The following ABCC3 variants were observed in gnomAD, a reference collection of about 807,000 sequenced individuals.
The protein encoded by ABCC3 is ATP binding cassette subfamily C member 3.
In ABCC3, 121 loss-of-function variants were observed where a neutral mutation model predicts 165.3. The observed-to-expected ratio is 0.73, with a 90% CI of 0.63 to 0.85. The LOEUF is 0.85. Among genes scored for constraint, ABCC3 ranks in the 40% least tolerant of loss-of-function variants. ABCC3 has a pLI of 0.00. For synonymous variants in ABCC3, 733 were observed against 810.1 expected, an observed-to-expected ratio of 0.90 and a Z score of 1.62; for missense variants, 1,869 against 1,964.1, an observed-to-expected ratio of 0.95 and a Z score of 0.92.
chr17:50,661,346 G>C (rs966051329), intron 8 of ABCC3, among the ~76,000 whole-genome samples: 1 of 152,224 alleles, frequency 6.6e-6, no homozygotes, highest in Non-Finnish European at 1.5e-5. Flanking sequence ...TGGTGTGTAC[G>C]TTAACAAGCA....
At chr17:50,689,243 C>T (rs1289784168) in intron 30 of ABCC3, among the ~76,000 whole-genome samples, 4 of 152,248 alleles carry the variant, frequency 2.6e-5, no homozygotes, top group Admixed American at 2.6e-4. Flanking sequence ...TGGGAAATGA[C>T]AGTGTCCTCC....
In ABCC3 at chr17:50,684,768, A is replaced by C; in HGVS notation, c.4173A>C (p.Ser1391=). Residue 1391 remains serine, a synonymous_variant, in exon 29 of 31, where the codon TCA becomes TCC. Transcript: ENST00000285238. ...RMNLDPFGSY[S]EEDIWWALEL... is the part of the protein sequence containing the mutation. ...ACCTGGACCCCTTCGGCAGCTACTC[A>C]GAGGAGGACATTTGGTGGGCTTTGG... 6.2e-7 allele frequency: 1 copy of C among 1,614,038 alleles called. No homozygotes were observed. The highest frequency in any genetic ancestry group is 1.1e-5 in the South Asian group (1 of 91,076).
At chr17:50,635,495 A>C in intron 1 of ABCC3, 1 of 702,526 alleles carries the variant, frequency 1.4e-6, no homozygotes, top group East Asian at 2.7e-5. Context: ...CTTCTTAGGA[A>C]GGTTTCCTGC....
chr17:50,661,629 T>A (rs143242826), intron 8 of ABCC3, among the ~76,000 whole-genome samples: 136 of 152,356 alleles, frequency 8.9e-4, no homozygotes, highest in Middle Eastern at 6.8e-3. Flanking sequence ...AGTCCCCACC[T>A]CCTTGCCCCT....
intron 7 of ABCC3, among the ~76,000 whole-genome samples, chr17:50,660,095 G>C (rs891460990): frequency 6.6e-6 from 1 of 152,166 alleles, no homozygotes. Context: ...GAGCCGGCTG[G>C]CCCCAGAGGT....
chr17:50,673,401 G>A, intron 18 of ABCC3, 68 bp from the exon 19 acceptor site: 1 of 1,558,160 alleles, frequency 6.4e-7, no homozygotes, highest in Non-Finnish European at 8.7e-7. Flanking sequence ...CTCACTCTGT[G>A]GCTCCGTGCC....
rs2054164940 is a variant in ABCC3, at chr17:50,634,991, G to C, written c.45+10G>C. 2 of 1,256,174 alleles carry C rather than the reference G, an allele frequency of 1.6e-6. No homozygotes were observed. Among genetic ancestry groups the C allele is most frequent in the Non-Finnish European group, 2.0e-6 (2 of 998,502 alleles). 77.8% of individuals were successfully genotyped at this position (1,256,174 alleles called of 1,614,324 possible). A position where few individuals can be genotyped will look rare whatever the true frequency, so the allele number is the denominator to read the frequency against. ...CGGCTCCAAGTTCTGGGTAAGGCGC[G>C]GGGCTCCGGGGTCACTGCGCGGGGG... is the stretch of plus-strand genomic sequence containing the variant. On this transcript the variant is annotated intron_variant, in intron 1 of 30. Transcript: ENST00000285238.
intron 1 of ABCC3, among the ~76,000 whole-genome samples, chr17:50,643,181 G>T (rs1023269138): frequency 4.6e-5 from 7 of 152,248 alleles, no homozygotes; most frequent in East Asian, 1.9e-4. Flanking sequence ...CCAGAGAAAT[G>T]GGATGTACAC....
intron 1 of ABCC3, among the ~76,000 whole-genome samples, chr17:50,636,860 G>T (rs1362529324): frequency 6.6e-6 from 1 of 152,252 alleles, no homozygotes; most frequent in African/African-American, 2.4e-5. Flanking sequence ...GGAGTTTGAA[G>T]CAGCGAGTCC....
chr17:50,669,724 G>A (rs950954641), intron 17 of ABCC3, among the ~76,000 whole-genome samples, 196 bp downstream of exon 17: 3 of 152,200 alleles, frequency 2.0e-5, no homozygotes, highest in African/African-American at 7.2e-5. Context: ...TATTCTAGGA[G>A]CCAGGCTGAA....
At chr17:50,679,327 T>G (rs1967887148) in intron 25 of ABCC3, 1 of 152,888 alleles carries the variant, frequency 6.5e-6, no homozygotes, top group Admixed American at 6.5e-5. Context: ...ATGAATCTAC[T>G]TGTTAAAATG....
chr17:50,635,750 G>T, intron 1 of ABCC3: 3 of 610,656 alleles, frequency 4.9e-6, no homozygotes, highest in Non-Finnish European at 8.8e-6. Context: ...CAGGTGCAGT[G>T]GTTCACGCCT....
At chr17:50,673,748 T>C in intron 19 of ABCC3, 90 bp downstream of exon 19, 1 of 1,380,718 alleles carries the variant, frequency 7.2e-7, no homozygotes, top group South Asian at 1.3e-5. Context: ...TGGCCTAGTG[T>C]TGTGCCAGGC....
intron 19 of ABCC3, among the ~76,000 whole-genome samples, chr17:50,673,994 C>CCTTCCTTCCTTCCT (rs1967734814): frequency 1.5e-4 from 1 of 6,732 alleles, no homozygotes; most frequent in African/African-American, 7.6e-4. Context: ...CTCTCTCTCT[C>CCTTCCTTCCTTCCT]TCTCTCTCTC....
chr17:50,686,179 G>A (rs554047032), intron 29 of ABCC3, among the ~76,000 whole-genome samples: 6 of 152,368 alleles, frequency 3.9e-5, no homozygotes, highest in African/African-American at 1.4e-4. Context: ...GGGTGACCGA[G>A]CGAGACTTCG....
At chr17:50,676,155 C>G (rs371536749) in intron 22 of ABCC3, 65 bp downstream of exon 22, 1 of 1,599,152 alleles carries the variant, frequency 6.3e-7, no homozygotes. Flanking sequence ...GCCAGGCCCC[C>G]CAAACCGTGC....
At chr17:50,635,948 T>C (rs971638592) in intron 1 of ABCC3, 2 of 204,624 alleles carry the variant, frequency 9.8e-6, no homozygotes, top group African/African-American at 4.6e-5. Context: ...AATCTCTTTC[T>C]AAGACAGGCT....
chr17:50,636,238 G>T (rs542391556), intron 1 of ABCC3, among the ~76,000 whole-genome samples: 22 of 152,336 alleles, frequency 1.4e-4, no homozygotes, highest in Non-Finnish European at 2.9e-4. Flanking sequence ...CAGGCACGTG[G>T]GGTGTTACCC....
Position 50,667,536 on chromosome 17 carries a change from CTCTT to C in ABCC3, c.1432-14_1432-11del, listed in dbSNP as rs777940033. ...GGAGGGAGCAGGTGTGCCACTGACA[CTCTT>C]TCTGCCTGCACAGGTAAAGCAAATG... On this transcript the variant is annotated splice_polypyrimidine_tract_variant and intron_variant, in intron 11 of 30. Coordinates refer to ENST00000285238, the MANE Select transcript of ABCC3 (RefSeq NM_003786.4). 6.3e-6 allele frequency: 10 copies of C among 1,595,726 alleles called. No individual in the cohort carries two copies. The highest frequency in any genetic ancestry group is 1.3e-5 in the African/African-American group (1 of 74,584).
Sources: gnomAD v4.1 joint callset for allele counts (sites outside exome capture counted in the v4.1 genomes callset) on GRCh38, gnomAD v4.1.1 for gene constraint, MANE v1.5 for transcripts, NCBI Gene and HGNC (gene_info 2026-07-23, HGNC 2026-07-21) for gene names.